CAMK1D: variants seen among roughly 807,000 people sequenced by gnomAD.
CAMK1D encodes the protein calcium/calmodulin-dependent protein kinase type 1D.
A neutral mutation model predicts 47.7 loss-of-function variants in CAMK1D; 9 were observed. That is an observed-to-expected ratio of 0.19 (90% CI 0.11 to 0.33). The LOEUF (loss-of-function observed/expected upper bound fraction) is 0.33, where lower values mean the gene tolerates loss of function less well. Among genes scored for constraint, CAMK1D ranks in the 10% least tolerant of loss-of-function variants. CAMK1D has a pLI of 1.00. For missense variants in CAMK1D, 291 were observed against 488.7 expected, an observed-to-expected ratio of 0.60 and a Z score of 3.81; for synonymous variants, 184 against 184.9, an observed-to-expected ratio of 0.99 and a Z score of 0.04.
chr10:12,807,827 C>G (rs1416774269), intron 6 of CAMK1D, among the ~76,000 whole-genome samples: 2 of 152,206 alleles, frequency 1.3e-5, no homozygotes, highest in Admixed American at 6.5e-5. Flanking sequence ...TCTCCTCTGG[C>G]TGCAGCAAGT....
At chr10:12,774,512 A>T (rs537810810) in intron 5 of CAMK1D, among the ~76,000 whole-genome samples, 1 of 152,270 alleles carries the variant, frequency 6.6e-6, no homozygotes, top group African/African-American at 2.4e-5. Flanking sequence ...AGGACTTGGA[A>T]ATCGTCGTAT....
At chr10:12,763,052 T>C (rs930451664) in intron 4 of CAMK1D, among the ~76,000 whole-genome samples, 3 of 152,218 alleles carry the variant, frequency 2.0e-5, no homozygotes, top group Admixed American at 6.5e-5. Flanking sequence ...TGATTGGCTG[T>C]ATGGGAGATA....
chr10:12,462,100 A>G (rs1833446398), intron 1 of CAMK1D, among the ~76,000 whole-genome samples: 1 of 151,380 alleles, frequency 6.6e-6, no homozygotes, highest in Admixed American at 6.6e-5. Flanking sequence ...AATTTTATGA[A>G]AATTCACTTA....
At position 12,526,427 on chromosome 10, in the gene CAMK1D, T is replaced by A. The variant is rs115563949; in HGVS notation, c.93-26798T>A. Among the ~76,000 whole-genome samples, 668 of 152,250 alleles carry A rather than the reference T, an allele frequency of 4.4e-3. 5 individuals are homozygous for A. The highest frequency in any genetic ancestry group is 0.016 in the African/African-American group (644 of 41,530). ...CTGATGCATACACAGATTTATAGGA[T>A]CTCTTTTTTTCAACTCTCTTCTCTC... On this transcript the variant is annotated intron_variant, in intron 1 of 10. Coordinates refer to ENST00000619168, the MANE Select transcript of CAMK1D (RefSeq NM_153498.4).
At chr10:12,820,330 A>T (rs1163994983) in intron 8 of CAMK1D, among the ~76,000 whole-genome samples, 1 of 152,208 alleles carries the variant, frequency 6.6e-6, no homozygotes, top group Non-Finnish European at 1.5e-5. Context: ...CCTACAGTAC[A>T]TTTTAACCCT....
At chr10:12,665,286 T>A (rs1451087157) in intron 2 of CAMK1D, among the ~76,000 whole-genome samples, 1 of 152,266 alleles carries the variant, frequency 6.6e-6, no homozygotes, top group Non-Finnish European at 1.5e-5. Flanking sequence ...TTGTTAATTA[T>A]CTTGTTCTCT....
rs554952083 is a variant in CAMK1D at position 12,637,305 on chromosome 10, A to G, written c.225-29431A>G. 1.5e-3 allele frequency among the ~76,000 whole-genome samples: 223 copies of G among 152,254 alleles called. 1 individual carries two copies. Among genetic ancestry groups the G allele is most frequent in the African/African-American group, 5.1e-3 (210 of 41,546 alleles). On this transcript the variant is annotated intron_variant, in intron 2 of 10. Coordinates refer to ENST00000619168, the MANE Select transcript of CAMK1D (RefSeq NM_153498.4). The stretch of plus-strand genomic sequence containing the variant: ...ATTTCTGAAGATAATTTGGAAACCT[A>G]TATTTCTAAAATACGACTACTGTAG...
chr10:12,717,336 G>A (rs762766163), intron 3 of CAMK1D, among the ~76,000 whole-genome samples: 2 of 152,176 alleles, frequency 1.3e-5, no homozygotes, highest in South Asian at 4.1e-4. Flanking sequence ...AAAGCCACCG[G>A]ATAGTCCTTA....
At chr10:12,724,795 T>C (rs985401125) in intron 3 of CAMK1D, among the ~76,000 whole-genome samples, 3 of 151,894 alleles carry the variant, frequency 2.0e-5, no homozygotes, top group Admixed American at 1.3e-4. Flanking sequence ...GGTGACAGAA[T>C]GTGATCCGTC....
intron 6 of CAMK1D, among the ~76,000 whole-genome samples, chr10:12,808,983 G>A (rs890982093): frequency 1.3e-5 from 2 of 151,848 alleles, no homozygotes; most frequent in African/African-American, 4.8e-5. Context: ...CAGGTGTGGT[G>A]GTGTGCACCT....
chr10:12,653,986 A>C (rs953770660), intron 2 of CAMK1D, among the ~76,000 whole-genome samples: 3 of 152,236 alleles, frequency 2.0e-5, no homozygotes, highest in African/African-American at 7.2e-5. Flanking sequence ...GTATCAGCAC[A>C]GAGAAAGCAC....
chr10:12,670,317 A>G (rs1840574184), intron 3 of CAMK1D, among the ~76,000 whole-genome samples: 2 of 151,916 alleles, frequency 1.3e-5, no homozygotes, highest in East Asian at 1.9e-4. Context: ...CCACTTGTAT[A>G]TCTTCTTTTA....
At chr10:12,571,407 A>ACACTG (rs1307952456) in intron 2 of CAMK1D, among the ~76,000 whole-genome samples, 1 of 145,400 alleles carries the variant, frequency 6.9e-6, no homozygotes, top group African/African-American at 2.6e-5. Flanking sequence ...TGAGATCGCA[A>ACACTG]CACTGCACTG....
chr10:12,520,151 G>A lies in CAMK1D; in HGVS notation c.93-33074G>A, dbSNP rs1226296225. Among the ~76,000 whole-genome samples, 9 of 75,488 alleles carry A rather than the reference G, an allele frequency of 1.2e-4. 3 individuals carry two copies. Among genetic ancestry groups the A allele is most frequent in the Admixed American group, 8.0e-4 (6 of 7,498 alleles). 49.5% of individuals were successfully genotyped at this position (75,488 alleles called of 152,430 possible). On this transcript the variant is annotated intron_variant, in intron 1 of 10. Transcript: ENST00000619168. ...TTCCCAGATGGGGTGGCTGCCGGAC[G>A]GAGGGGCTCCCCACTTCTCAGACGG...
chr10:12,387,420 ATATATTT>A (rs1838552059), intron 1 of CAMK1D, among the ~76,000 whole-genome samples: 8 of 52,722 alleles, frequency 1.5e-4, no homozygotes, highest in African/African-American at 3.1e-4. Flanking sequence ...TATATATTTT[ATATATTT>A]TATATATTAT....
chr10:12,352,442 C>CTACT (rs1588713727), intron 1 of CAMK1D, among the ~76,000 whole-genome samples: 1 of 151,772 alleles, frequency 6.6e-6, no homozygotes, highest in Admixed American at 6.6e-5. Flanking sequence ...AACCCTGTTG[C>CTACT]TACTAACAAT....
At chr10:12,492,603 G>C (rs527876877) in intron 1 of CAMK1D, among the ~76,000 whole-genome samples, 5 of 152,264 alleles carry the variant, frequency 3.3e-5, no homozygotes, top group Non-Finnish European at 7.4e-5. Context: ...AGACCAGCCT[G>C]GGCAACACAG....
rs1353793733 is a variant in CAMK1D at position 12,833,316 on chromosome 10, G to C, written c.*4429G>C. On this transcript the variant is annotated 3_prime_UTR_variant, in exon 11 of 11. Transcript: ENST00000619168. ...ACCAGGCACACGGGGTGGGGGGAAT[G>C]GGGGGAGCCCAGGTGATCCCCTTTG... The C allele has an allele frequency of 6.6e-6, 1 of 152,662 alleles. No homozygotes were observed. Among genetic ancestry groups the C allele is most frequent in the Non-Finnish European group, 1.5e-5 (1 of 68,400 alleles). The allele number at this position is 152,662 out of a possible 1,614,324, so 9.5% of individuals were successfully genotyped here. A position where few individuals can be genotyped will look rare whatever the true frequency, so the allele number is the denominator to read the frequency against.
At chr10:12,705,886 A>G (rs1233074624) in intron 3 of CAMK1D, among the ~76,000 whole-genome samples, 1 of 152,198 alleles carries the variant, frequency 6.6e-6, no homozygotes, top group East Asian at 1.9e-4. Context: ...ACTGTTAACC[A>G]TTGGTTTCAT....
Sources: gnomAD v4.1 joint callset for allele counts (sites outside exome capture counted in the v4.1 genomes callset) on GRCh38, gnomAD v4.1.1 for gene constraint, MANE v1.5 for transcripts, NCBI Gene and HGNC (gene_info 2026-07-23, HGNC 2026-07-21) for gene names.